ADAMTS6: variants seen among roughly 807,000 people sequenced by gnomAD.
ADAMTS6 encodes ADAM metallopeptidase with thrombospondin type 1 motif 6.
Under a neutral mutation model 144.3 loss-of-function variants are expected in ADAMTS6, and 23 were observed. The ratio of observed to expected loss-of-function variants is 0.16; its 90% CI spans 0.11 to 0.23. The LOEUF (loss-of-function observed/expected upper bound fraction) is 0.23, where lower values mean the gene tolerates loss of function less well. Among genes scored for constraint, ADAMTS6 ranks in the 10% least tolerant of loss-of-function variants. ADAMTS6 has a pLI of 1.00. For missense variants in ADAMTS6, 999 were observed against 1,379.6 expected (o/e 0.72, Z 4.37); for synonymous variants, 444 against 457.5 (o/e 0.97, Z 0.38).
intron 11 of ADAMTS6, among the ~76,000 whole-genome samples, chr5:65,282,100 G>A (rs570590487): frequency 1.5e-4 from 23 of 151,984 alleles, no homozygotes; most frequent in African/African-American, 4.8e-4. Context: ...TTATTGTGTC[G>A]GCAAAAAAGT....
At chr5:65,255,199 T>C (rs1760538965) in intron 14 of ADAMTS6, among the ~76,000 whole-genome samples, 1 of 152,230 alleles carries the variant, frequency 6.6e-6, no homozygotes, top group Non-Finnish European at 1.5e-5. Flanking sequence ...TCATTCCTTT[T>C]GTCAATGGCT....
At chr5:65,420,506 C>T (rs786704) in intron 7 of ADAMTS6, among the ~76,000 whole-genome samples, 1 of 152,072 alleles carries the variant, frequency 6.6e-6, no homozygotes, top group Admixed American at 6.5e-5. Flanking sequence ...CTCAGCCTCA[C>T]GAGTAGCCTG....
At position 65,398,777 on chromosome 5, in the gene ADAMTS6, AGAGC is replaced by A. The variant is rs756653939; in HGVS notation, c.1073+52694_1073+52697del. Among the ~76,000 whole-genome samples the A allele has an allele frequency of 1.5e-3, 172 of 116,578 alleles. 3 individuals carry two copies. Among genetic ancestry groups the A allele is most frequent in the African/African-American group, 5.6e-3 (168 of 30,234 alleles). The allele number at this position is 116,578 out of a possible 152,430, so 76.5% of individuals were successfully genotyped here. A position where few individuals can be genotyped will look rare whatever the true frequency, so the allele number is the denominator to read the frequency against. On this transcript the variant is annotated intron_variant, in intron 7 of 24. Coordinates refer to ENST00000381055, the MANE Select transcript of ADAMTS6 (RefSeq NM_197941.4). ...AGAAAGAGAGAGAGAGAAAGAAGAG[AGAGC>A]AAGAAAGAAAGAAAGAAAGAAAGAA...
At chr5:65,430,095 T>C (rs149278360) in intron 7 of ADAMTS6, among the ~76,000 whole-genome samples, 65 of 152,042 alleles carry the variant, frequency 4.3e-4, no homozygotes, top group African/African-American at 1.5e-3. Context: ...CAACTATTAT[T>C]ATCAACATTA....
At chr5:65,381,522 C>G (rs11747145) in intron 7 of ADAMTS6, among the ~76,000 whole-genome samples, 15,232 of 144,900 alleles carry the variant, frequency 0.11, 897 homozygotes, top group Middle Eastern at 0.12. Flanking sequence ...ATCACCGTGC[C>G]TGGCTAATTT....
intron 11 of ADAMTS6, among the ~76,000 whole-genome samples, chr5:65,290,658 T>C (rs1293858476): frequency 6.6e-6 from 1 of 152,254 alleles, no homozygotes; most frequent in Non-Finnish European, 1.5e-5. Flanking sequence ...TCATTCACTA[T>C]GCTTATATTG....
Position 65,214,317 on chromosome 5 carries a change from C to T in ADAMTS6, c.2575+477G>A. 3.2e-6 allele frequency: 1 copy of T among 312,300 alleles called. No individual in the cohort carries two copies. Among genetic ancestry groups the T allele is most frequent in the South Asian group, 3.0e-5 (1 of 32,814 alleles). 19.3% of individuals were successfully genotyped at this position (312,300 alleles called of 1,614,324 possible). Reference sequence around the variant, plus strand: ...TTATTGTAGCATCCCAGTATACAGCCCCTTAACTTTGATGGCAGGAGAAGG... The same window carrying T: ...TTATTGTAGCATCCCAGTATACAGCTCCTTAACTTTGATGGCAGGAGAAGG... On this transcript the variant is annotated intron_variant, in intron 20 of 24. Coordinates refer to ENST00000381055, the MANE Select transcript of ADAMTS6 (RefSeq NM_197941.4). The surrounding 1 kb of genome is among the most constrained non-coding windows in gnomAD (Gnocchi z 4.6).
intron 7 of ADAMTS6, among the ~76,000 whole-genome samples, chr5:65,367,569 C>A (rs902647860): frequency 6.6e-6 from 1 of 152,128 alleles, no homozygotes; most frequent in African/African-American, 2.4e-5. Context: ...CTCCTAGGGG[C>A]AATTTGCATC....
chr5:65,233,743 T>C (rs1758440349), intron 15 of ADAMTS6, among the ~76,000 whole-genome samples: 2 of 152,008 alleles, frequency 1.3e-5, no homozygotes, highest in Non-Finnish European at 2.9e-5. Context: ...TCTATGAAAA[T>C]TCCAATGACG....
chr5:65,217,714 A>T (rs1339588708), intron 18 of ADAMTS6, among the ~76,000 whole-genome samples: 1 of 152,182 alleles, frequency 6.6e-6, no homozygotes, highest in East Asian at 1.9e-4. Context: ...TATTTTTAAA[A>T]GCTTTAAGAG....
chr5:65,361,225 T>C (rs1224530058), intron 7 of ADAMTS6, among the ~76,000 whole-genome samples: 2 of 152,150 alleles, frequency 1.3e-5, no homozygotes, highest in African/African-American at 4.8e-5. Flanking sequence ...TAGACAAACA[T>C]GAAATGAGTT....
At chr5:65,286,351 T>A (rs1237877157) in intron 11 of ADAMTS6, among the ~76,000 whole-genome samples, 1 of 152,202 alleles carries the variant, frequency 6.6e-6, no homozygotes, top group African/African-American at 2.4e-5. Flanking sequence ...GTTCCATCCA[T>A]CATGACACCA....
At chr5:65,153,030 T>C (rs866037204) in intron 24 of ADAMTS6, among the ~76,000 whole-genome samples, 2 of 152,208 alleles carry the variant, frequency 1.3e-5, no homozygotes, top group Middle Eastern at 3.2e-3. Context: ...GCTTGTTTTT[T>C]CCTGGCTTCA....
In ADAMTS6 at chr5:65,262,860, C is replaced by T. The variant is rs770501691; in HGVS notation, c.1723G>A (p.Gly575Arg). The change falls in exon 13 of 25, where the codon GGG (glycine) becomes AGG (arginine). Residue 575 changes from glycine (G) to arginine (R), a missense_variant. This residue lies in a region of ADAMTS6 where 619 missense variants were observed against 837.0 expected (regional missense o/e 0.74). Coordinates refer to ENST00000381055, the MANE Select transcript of ADAMTS6 (RefSeq NM_197941.4). ...CTTAGGGATGAGGAGACGCCTCCCC[C>T]GCAGGTCCTGCTGCACTCTCCCCAT... ...SLWGECSRTC[G>R]GGVSSSLRHC... The T allele has an allele frequency of 1.3e-5, 21 of 1,584,688 alleles. No homozygotes were observed. The highest frequency in any genetic ancestry group is 4.6e-5 in the South Asian group (4 of 87,030).
intron 7 of ADAMTS6, among the ~76,000 whole-genome samples, chr5:65,425,665 T>C (rs1756447009): frequency 6.6e-6 from 1 of 152,230 alleles, no homozygotes; most frequent in African/African-American, 2.4e-5. Flanking sequence ...CCATTATTAG[T>C]TATACCTTCC....
chr5:65,328,570 G>A (rs926281776), intron 9 of ADAMTS6, among the ~76,000 whole-genome samples: 11 of 151,430 alleles, frequency 7.3e-5, no homozygotes, highest in Admixed American at 3.3e-4. Flanking sequence ...TTGGAAGCTC[G>A]TTTGTTTAGT....
chr5:65,212,423 CTTTTTTTTTTT>C (rs397881866), intron 20 of ADAMTS6, among the ~76,000 whole-genome samples: 2 of 107,844 alleles, frequency 1.9e-5, no homozygotes, highest in East Asian at 3.0e-4. Flanking sequence ...TTTTCTCTCT[CTTTTTTTTTTT>C]TTTTTTTTTT....
rs147084569 is a variant in ADAMTS6 at position 65,342,460 on chromosome 5, G to A, written c.1074-8375C>T. Among the ~76,000 whole-genome samples the A allele has an allele frequency of 8.3e-3, 1,264 of 152,154 alleles. 15 individuals carry two copies. Among genetic ancestry groups the A allele is most frequent in the African/African-American group, 0.029 (1,209 of 41,516 alleles). On this transcript the variant is annotated intron_variant, in intron 7 of 24. Coordinates refer to ENST00000381055, the MANE Select transcript of ADAMTS6 (RefSeq NM_197941.4). ...CCCCATGATTCAGTTACCTCCCACC[G>A]GGTCCCTCCCACAACATGTGGGAAT...
chr5:65,373,143 C>G (rs1317219925), intron 7 of ADAMTS6, among the ~76,000 whole-genome samples: 11 of 149,104 alleles, frequency 7.4e-5, no homozygotes, highest in African/African-American at 9.9e-5. Flanking sequence ...TAAATGCCCA[C>G]AAGAGAAAGC....
Sources: allele counts gnomAD v4.1 joint callset (sites outside exome capture counted in the v4.1 genomes callset), GRCh38; gene constraint gnomAD v4.1.1; regional missense constraint gnomAD v4.1.1; non-coding constraint Gnocchi (gnomAD v3.1); transcripts MANE v1.5; gene names NCBI Gene and HGNC (gene_info 2026-07-23, HGNC 2026-07-21).